FGD5: variants seen among roughly 807,000 people sequenced by gnomAD.
FGD5 encodes the protein FYVE, RhoGEF and PH domain containing 5.
Under a neutral mutation model 133.4 loss-of-function variants are expected in FGD5, and 28 were observed. The observed-to-expected ratio is 0.21, with a 90% CI of 0.16 to 0.29. The LOEUF (loss-of-function observed/expected upper bound fraction) is 0.29, where lower values mean the gene tolerates loss of function less well. Ranked by LOEUF, FGD5 falls within the 10% of genes least tolerant of loss-of-function variation. The pLI, the probability that FGD5 is intolerant of heterozygous loss-of-function variation, is 1.00. For missense variants in FGD5, 1,858 were observed against 1,895.2 expected (o/e 0.98, Z 0.36); for synonymous variants, 810 against 776.5 (o/e 1.04, Z -0.72).
intron 2 of FGD5, among the ~76,000 whole-genome samples, chr3:14,877,240 C>T (rs2037737210): frequency 1.3e-5 from 2 of 152,390 alleles, no homozygotes; most frequent in Admixed American, 6.5e-5. Context: ...GTGCCTCGGG[C>T]ACACAGCCTG....
intron 11 of FGD5, among the ~76,000 whole-genome samples, chr3:14,916,226 A>G (rs2038551164): frequency 6.6e-6 from 1 of 152,170 alleles, no homozygotes; most frequent in Non-Finnish European, 1.5e-5. Flanking sequence ...TTCCCAGAGG[A>G]AGCTGAGACT....
At chr3:14,928,283 G>T (rs1660168535) in intron 18 of FGD5, among the ~76,000 whole-genome samples, 1 of 151,930 alleles carries the variant, frequency 6.6e-6, no homozygotes, top group East Asian at 1.9e-4. Flanking sequence ...TATTGCTCAG[G>T]CTGTTCTCGA....
Position 14,828,889 on chromosome 3 carries a change from T to C in FGD5, c.2525+7293T>C, listed in dbSNP as rs901822512. 2.0e-5 allele frequency among the ~76,000 whole-genome samples: 3 copies of C among 150,542 alleles called. No individual in the cohort carries two copies. In the Admixed American group the frequency reaches 2.0e-4, roughly 10 times the overall value. Reference sequence around the variant, plus strand: ...TGTGCTGGAGTGCAATGGCATGATCTTGACTCACTGCAACCTCTGCCTCCC... The same window carrying C: ...TGTGCTGGAGTGCAATGGCATGATCCTGACTCACTGCAACCTCTGCCTCCC... On this transcript the variant is annotated intron_variant, in intron 1 of 19. Coordinates refer to ENST00000285046, the MANE Select transcript of FGD5 (RefSeq NM_152536.4).
chr3:14,829,387 G>A (rs1002549037), intron 1 of FGD5, among the ~76,000 whole-genome samples: 1 of 152,068 alleles, frequency 6.6e-6, no homozygotes, highest in African/African-American at 2.4e-5. Context: ...AGAACGGAGG[G>A]GATGGAGGGA....
At chr3:14,850,597 G>A (rs1559479616) in intron 1 of FGD5, among the ~76,000 whole-genome samples, 1 of 152,166 alleles carries the variant, frequency 6.6e-6, no homozygotes, top group Non-Finnish European at 1.5e-5. Flanking sequence ...CATTTGTCGG[G>A]CACCTACTGT....
intron 7 of FGD5, 89 bp from the exon 8 acceptor site, chr3:14,900,314 A>T (rs1367220670): frequency 7.5e-7 from 1 of 1,338,178 alleles, no homozygotes; most frequent in Non-Finnish European, 1.1e-6. Flanking sequence ...CATTCTTCCA[A>T]CTCTGGCAAG....
chr3:14,921,638 G>A (rs1331956237), intron 13 of FGD5, among the ~76,000 whole-genome samples: 2 of 152,168 alleles, frequency 1.3e-5, no homozygotes, highest in Admixed American at 6.5e-5. Flanking sequence ...TGACAATGTG[G>A]TTCCACGTCC....
At chr3:14,913,035 C>CA (rs373126310) in intron 11 of FGD5, among the ~76,000 whole-genome samples, 42 of 148,166 alleles carry the variant, frequency 2.8e-4, no homozygotes, top group East Asian at 1.0e-3. Context: ...GATTCCATCT[C>CA]AAAAAAAAAA....
At chr3:14,892,440 C>A (rs571144165) in intron 4 of FGD5, among the ~76,000 whole-genome samples, 1 of 152,136 alleles carries the variant, frequency 6.6e-6, no homozygotes, top group Non-Finnish European at 1.5e-5. Flanking sequence ...CTCAAGCGAT[C>A]CTCCCGTGTT....
Position 14,821,060 on chromosome 3 carries a change from G to C in FGD5, c.1989G>C (p.Lys663Asn). 6.2e-7 allele frequency: 1 copy of C among 1,613,984 alleles called. No individual in the cohort carries two copies. Among genetic ancestry groups the C allele is most frequent in the Non-Finnish European group, 8.5e-7 (1 of 1,179,890 alleles). ...FKRFLALTFK[K>N]KTENKLHVDV... The stretch of plus-strand genomic sequence containing the variant: ...GCTTCCTGGCACTGACGTTTAAGAA[G>C]AAGACGGAGAACAAATTGCATGTGG... The change falls in exon 1 of 20, where the codon AAG (lysine) becomes AAC (asparagine). Residue 663 changes from lysine (K) to asparagine (N), a missense_variant. Transcript: ENST00000285046.
At chr3:14,920,867 T>TAGAAA (rs1379473356) in intron 13 of FGD5, among the ~76,000 whole-genome samples, 1 of 151,956 alleles carries the variant, frequency 6.6e-6, no homozygotes. Context: ...CATGAGGGAG[T>TAGAAA]AGAAAAGGGC....
chr3:14,821,030 T>G lies in FGD5; in HGVS notation c.1959T>G (p.Phe653Leu). 1 of 1,613,956 alleles carries G rather than the reference T, an allele frequency of 6.2e-7. No individual in the cohort carries two copies. The highest frequency in any genetic ancestry group is 1.7e-5 in the Admixed American group (1 of 60,016). ...AGTACAAGAAGAAGAAGTCATCCTT[T>G]AAGCGCTTCCTGGCACTGACGTTTA... ...PDKYKKKKSSFKRFLALTFKK... is the reference protein window; with the variant it reads ...PDKYKKKKSSLKRFLALTFKK... Residue 653 changes from phenylalanine (F) to leucine (L), a missense_variant, in exon 1 of 20, where the codon TTT becomes TTG. Phe to Leu is a conservative substitution (Grantham distance 22, BLOSUM62 0). Transcript: ENST00000285046.
chr3:14,821,465 C>T lies in FGD5; in HGVS notation c.2394C>T (p.Gly798=), dbSNP rs747549419. 24 of 1,613,890 alleles carry T rather than the reference C, an allele frequency of 1.5e-5. No individual in the cohort carries two copies. The highest frequency in any genetic ancestry group is 1.6e-4 in the Middle Eastern group (1 of 6,084). The change falls in exon 1 of 20, where the codon GGC becomes GGT. Residue 798 remains glycine (G), a synonymous_variant. Coordinates refer to ENST00000285046, the MANE Select transcript of FGD5 (RefSeq NM_152536.4). ...CACCCCGGAGACCTGCCAGGGCTGG[C>T]GCGTTCACGAAGCTGTTTGAAGATC... The part of the protein sequence containing the change: ...QIPPRRPARA[G]AFTKLFEDQS...
intron 13 of FGD5, 136 bp downstream of exon 13, chr3:14,918,969 T>A (rs1356166061): frequency 1.1e-6 from 1 of 920,784 alleles, no homozygotes; most frequent in Non-Finnish European, 1.6e-6. Context: ...TCAAAGGACT[T>A]TTTTTCTTTT....
chr3:14,839,105 GA>G (rs1185326844), intron 1 of FGD5, among the ~76,000 whole-genome samples: 4 of 152,208 alleles, frequency 2.6e-5, no homozygotes, highest in Non-Finnish European at 4.4e-5. Flanking sequence ...ACCAAGAAAG[GA>G]AAAGCACATG....
At chr3:14,842,882 G>A (rs1358256415) in intron 1 of FGD5, among the ~76,000 whole-genome samples, 2 of 152,188 alleles carry the variant, frequency 1.3e-5, no homozygotes, top group African/African-American at 4.8e-5. Flanking sequence ...TGGACAGAAA[G>A]GTGGGTGTCA....
At chr3:14,907,918 G>T (rs1263728736) in intron 10 of FGD5, among the ~76,000 whole-genome samples, 2 of 152,188 alleles carry the variant, frequency 1.3e-5, no homozygotes, top group African/African-American at 4.8e-5. Context: ...CCCATGTGTT[G>T]CCTGCAGAGC....
At chr3:14,897,306 C>A in intron 4 of FGD5, 1 of 590,232 alleles carries the variant, frequency 1.7e-6, no homozygotes. Context: ...CTTTGGGTGT[C>A]AGCTCAGGCA....
intron 2 of FGD5, among the ~76,000 whole-genome samples, chr3:14,865,960 G>A (rs544174106): frequency 6.6e-6 from 1 of 152,298 alleles, no homozygotes; most frequent in African/African-American, 2.4e-5. Context: ...TGGAATCTGG[G>A]AGCAGAAAGA....
Sources: gnomAD v4.1 joint callset for allele counts (sites outside exome capture counted in the v4.1 genomes callset) on GRCh38, gnomAD v4.1.1 for gene constraint, MANE v1.5 for transcripts, NCBI Gene and HGNC (gene_info 2026-07-23, HGNC 2026-07-21) for gene names.